The following NFKBID variants were observed in gnomAD, a reference collection of about 807,000 sequenced individuals.
NFKBID encodes the protein NFKB inhibitor delta.
In NFKBID, 26 loss-of-function variants were observed where a neutral mutation model predicts 53.4. That is an observed-to-expected ratio of 0.49 (90% CI 0.36 to 0.68). The LOEUF (loss-of-function observed/expected upper bound fraction) is 0.68. Among genes scored for constraint, NFKBID ranks in the 30% least tolerant of loss-of-function variants. NFKBID has a pLI of 0.00. For synonymous variants in NFKBID, 262 were observed against 259.8 expected, an observed-to-expected ratio of 1.01 and a Z score of -0.08; for missense variants, 493 against 614.1, an observed-to-expected ratio of 0.80 and a Z score of 2.08.
At chr19:35,889,424 G>A (rs561392153) in intron 11 of NFKBID, among the ~76,000 whole-genome samples, 3 of 152,270 alleles carry the variant, frequency 2.0e-5, no homozygotes, top group African/African-American at 4.8e-5. Flanking sequence ...GCCTGGGTTC[G>A]TACACTGAGA....
chr19:35,897,809 T>C, exon 4 of NFKBID: 1 of 1,589,162 alleles, frequency 6.3e-7, no homozygotes, highest in Non-Finnish European at 8.5e-7. Context: ...CCCAGGCTGC[T>C]AGGTCCAGAA....
At position 35,897,869 on chromosome 19, in the gene NFKBID, G is replaced by A; in HGVS notation, c.227-13C>T. On this transcript the variant is annotated splice_polypyrimidine_tract_variant and intron_variant, in intron 3 of 11. Coordinates refer to ENST00000641389, the Ensembl canonical transcript of NFKBID. ...AAGGGAGGGTGGCCTGCGTGTAAGA[G>A]GAGGGGCAGGGGCAGGTCTGGTTAC... The A allele has an allele frequency of 6.5e-7, 1 of 1,527,222 alleles. No homozygotes were observed. Among genetic ancestry groups the A allele is most frequent in the Non-Finnish European group, 8.8e-7 (1 of 1,137,962 alleles). 94.6% of individuals were successfully genotyped at this position (1,527,222 alleles called of 1,614,324 possible). A position where few individuals can be genotyped will look rare whatever the true frequency, so the allele number is the denominator to read the frequency against.
chr19:35,897,908 G>A (rs997162818), intron 3 of NFKBID, 52 bp from the exon 4 acceptor site: 15 of 1,286,584 alleles, frequency 1.2e-5, no homozygotes, highest in Non-Finnish European at 1.5e-5. Context: ...AGTTGGGGAC[G>A]TCACATCCAG....
In NFKBID at chr19:35,896,843, T is replaced by C; in HGVS notation, c.579-12A>G. ...ACAGGTGAAGGAGCCTGAGGACAGGTGGGGGACAGCCGTGAGAACAGCCCC... is the reference window on the plus strand; with the variant it reads ...ACAGGTGAAGGAGCCTGAGGACAGGCGGGGGACAGCCGTGAGAACAGCCCC... On this transcript the variant is annotated splice_polypyrimidine_tract_variant and intron_variant, in intron 5 of 11. Transcript: ENST00000641389. This position sits in a 1 kb window ranked among gnomAD's most constrained non-coding sequence, Gnocchi z 5.7. 6.2e-7 allele frequency: 1 copy of C among 1,613,858 alleles called. No homozygotes were observed. Among genetic ancestry groups the C allele is most frequent in the Non-Finnish European group, 8.5e-7 (1 of 1,179,900 alleles).
chr19:35,897,124 G>A, intron 4 of NFKBID, 66 bp from the exon 5 acceptor site: 1 of 1,534,266 alleles, frequency 6.5e-7, no homozygotes, highest in East Asian at 2.3e-5. Flanking sequence ...CAGGTGGTGG[G>A]GAGACCCAGT....
intron 9 of NFKBID, among the ~76,000 whole-genome samples, chr19:35,892,543 C>CAAAAAAAAAAAAAAAAAAAAAAAAAAAA (rs112001334): frequency 2.0e-4 from 23 of 112,258 alleles, no homozygotes; most frequent in African/African-American, 7.8e-4. Flanking sequence ...GACTCCATCT[C>CAAAAAAAAAAAAAAAAAAAAAAAAAAAA]AAAAAAAAAA....
exon 11 of NFKBID, chr19:35,889,989 G>C (rs369291351): frequency 6.2e-7 from 1 of 1,610,466 alleles, no homozygotes; most frequent in South Asian, 1.1e-5. Context: ...GGTGCCGCAC[G>C]ATGGCCTCCT....
chr19:35,900,359 G>T, intron 1 of NFKBID, 83 bp downstream of exon 1: 1 of 1,055,016 alleles, frequency 9.5e-7, no homozygotes, highest in Non-Finnish European at 1.2e-6. Context: ...CTTCAGCTCC[G>T]TCCCTCAGGG....
rs1157265900 is a variant in NFKBID at position 35,900,462 on chromosome 19, G to T, written c.41C>A (p.Ser14Tyr). 8 of 1,231,828 alleles carry T rather than the reference G, an allele frequency of 6.5e-6. No homozygotes were observed. The South Asian group carries it at 2.5e-4, about 38-fold the overall frequency. The allele number at this position is 1,231,828 out of a possible 1,614,324, so 76.3% of individuals were successfully genotyped here. ...ATTACCTCGGGGATTCCGTGGCGTG[G>T]ATTGCGGGCCCCCAGGGCCGCGGCC... Residue 14 changes from serine (S) to tyrosine (Y), a missense_variant, in exon 1 of 12, where the codon TCC becomes TAC. Physicochemically the swap from Ser to Tyr is moderately radical, Grantham distance 144. Transcript: ENST00000641389.
intron 9 of NFKBID, among the ~76,000 whole-genome samples, chr19:35,891,487 A>G (rs1467143723): frequency 6.6e-6 from 1 of 152,220 alleles, no homozygotes; most frequent in Non-Finnish European, 1.5e-5. Context: ...TACAGCCAAA[A>G]GGAAATTTGA....
Position 35,896,165 on chromosome 19 carries a change from C to A in NFKBID, c.884-37G>T. ...AGACAGTGAGGGACCCGCATCTGCACCCACCTCGCCCAGCCACACCAACCA... is the reference window on the plus strand; with the variant it reads ...AGACAGTGAGGGACCCGCATCTGCAACCACCTCGCCCAGCCACACCAACCA... On this transcript the variant is annotated intron_variant, in intron 8 of 11. Transcript: ENST00000641389. The surrounding 1 kb of genome is among the most constrained non-coding windows in gnomAD (Gnocchi z 5.7). 1 of 1,613,774 alleles carries A rather than the reference C, an allele frequency of 6.2e-7. No individual in the cohort carries two copies. Among genetic ancestry groups the A allele is most frequent in the African/African-American group, 1.3e-5 (1 of 75,048 alleles).
chr19:35,895,597 T>G (rs1432374198), intron 9 of NFKBID, among the ~76,000 whole-genome samples: 2 of 151,214 alleles, frequency 1.3e-5, no homozygotes, highest in Non-Finnish European at 2.9e-5. Context: ...AGGTCGGGAG[T>G]TCGAGACCAG....
At chr19:35,892,543 C>CAAAAA (rs112001334) in intron 9 of NFKBID, among the ~76,000 whole-genome samples, 2 of 112,270 alleles carry the variant, frequency 1.8e-5, no homozygotes, top group African/African-American at 6.8e-5. Flanking sequence ...GACTCCATCT[C>CAAAAA]AAAAAAAAAA....
chr19:35,899,179 G>A (rs1975401908), intron 1 of NFKBID, among the ~76,000 whole-genome samples: 1 of 152,120 alleles, frequency 6.6e-6, no homozygotes, highest in African/African-American at 2.4e-5. Flanking sequence ...TGGGGGGCCG[G>A]CGCCAGGCGT....
intron 10 of NFKBID, 93 bp downstream of exon 10, chr19:35,890,281 C>T: frequency 4.2e-6 from 4 of 946,842 alleles, no homozygotes; most frequent in Non-Finnish European, 6.7e-6. Context: ...ACACATCGTC[C>T]CCTCCACGTC....
At chr19:35,890,706 A>G in intron 9 of NFKBID, 1 of 594,990 alleles carries the variant, frequency 1.7e-6, no homozygotes, top group Non-Finnish European at 3.1e-6. Flanking sequence ...TCTACAAAAA[A>G]TAGAAAAATT....
rs570632924 is a variant in NFKBID at position 35,891,508 on chromosome 19, G to A, written c.1033-1018C>T. On this transcript the variant is annotated intron_variant, in intron 9 of 11. Coordinates refer to ENST00000641389, the Ensembl canonical transcript of NFKBID. ...CAAAAGGAAATTTGAATACAGCCAGGATATTTGGTATTACAAGAAAATCTT... is the reference window on the plus strand; with the variant it reads ...CAAAAGGAAATTTGAATACAGCCAGAATATTTGGTATTACAAGAAAATCTT... 1.2e-4 allele frequency among the ~76,000 whole-genome samples: 18 copies of A among 152,174 alleles called. 1 individual carries two copies. The South Asian group carries it at 3.5e-3, about 30-fold the overall frequency.
chr19:35,902,107 T>C, upstream of NFKBID: 1 of 699,196 alleles, frequency 1.4e-6, no homozygotes. Flanking sequence ...GTGAGGTTAT[T>C]CAGCATCTCC....
chr19:35,899,425 C>T (rs1318416096), intron 1 of NFKBID, among the ~76,000 whole-genome samples: 3 of 151,900 alleles, frequency 2.0e-5, no homozygotes, highest in Non-Finnish European at 2.9e-5. Flanking sequence ...ATTAGCCGGG[C>T]GTGGTGGCAG....
Sources: gnomAD v4.1 joint callset for allele counts (sites outside exome capture counted in the v4.1 genomes callset) on GRCh38, gnomAD v4.1.1 for gene constraint, Gnocchi (gnomAD v3.1) non-coding constraint, MANE v1.5 for transcripts, NCBI Gene and HGNC (gene_info 2026-07-23, HGNC 2026-07-21) for gene names.